Variants in RBPJ observed in about 807,000 individuals in gnomAD.
The protein encoded by RBPJ is recombining binding protein suppressor of hairless.
RBPJ carries 9 observed loss-of-function variants against 67.8 expected under a neutral mutation model. That is an observed-to-expected ratio of 0.13 (90% CI 0.08 to 0.23). The LOEUF is 0.23. Ranked by LOEUF, RBPJ falls within the 10% of genes least tolerant of loss-of-function variation. The pLI, the probability that RBPJ is intolerant of heterozygous loss-of-function variation, is 1.00. For missense variants in RBPJ, 305 were observed against 595.6 expected (o/e 0.51, Z 5.08); for synonymous variants, 198 against 203.3 (o/e 0.97, Z 0.22).
chr4:26,124,214 T>C, the RBPJ span, among the ~76,000 whole-genome samples: 50 of 151,480 alleles, frequency 3.3e-4, no homozygotes, highest in Non-Finnish European at 6.2e-4. Context: ...TCCCACCCTG[T>C]CCCCCTGAGT....
At chr4:26,399,748 C>T (rs998554226) in intron 2 of RBPJ, among the ~76,000 whole-genome samples, 26 of 151,970 alleles carry the variant, frequency 1.7e-4, no homozygotes, top group African/African-American at 5.8e-4. Flanking sequence ...TGCAATGGTG[C>T]GATCTTGGCT....
intron 1 of RBPJ, among the ~76,000 whole-genome samples, chr4:26,202,912 CA>C (rs67852295): frequency 0.93 from 130,469 of 140,950 alleles, 60,310 homozygotes; most frequent in Middle Eastern, 0.99. Flanking sequence ...ACCAGACTGT[CA>C]AAAAAAAAAG....
At chr4:26,353,158 T>TG (rs1364388089) in intron 1 of RBPJ, among the ~76,000 whole-genome samples, 1 of 152,252 alleles carries the variant, frequency 6.6e-6, no homozygotes, top group Non-Finnish European at 1.5e-5. Context: ...AAGGTTTTTT[T>TG]CTTTAATCAT....
upstream of RBPJ, chr4:26,320,678 A>G (rs1489035162): frequency 6.7e-7 from 1 of 1,489,736 alleles, no homozygotes; most frequent in Non-Finnish European, 9.0e-7. Context: ...TCCCCGTAGT[A>G]ATCCCCTCCG....
the RBPJ span, among the ~76,000 whole-genome samples, chr4:26,147,589 A>G: frequency 6.6e-6 from 1 of 152,184 alleles, no homozygotes; most frequent in Non-Finnish European, 1.5e-5. Flanking sequence ...AAACTCCCAA[A>G]GGAGGAATTT....
chr4:26,182,229 T>C (rs917562515), intron 1 of RBPJ, among the ~76,000 whole-genome samples: 17 of 151,768 alleles, frequency 1.1e-4, no homozygotes, highest in Non-Finnish European at 1.9e-4. Flanking sequence ...GTAGTCCCAG[T>C]TACTCGGGAG....
upstream of RBPJ, among the ~76,000 whole-genome samples, chr4:26,161,392 T>C (rs1460865145): frequency 6.6e-6 from 1 of 152,184 alleles, no homozygotes; most frequent in Non-Finnish European, 1.5e-5. Context: ...CAAACTGACA[T>C]AGTGATTTAA....
At chr4:26,354,189 C>T (rs1043516327) in intron 1 of RBPJ, among the ~76,000 whole-genome samples, 1 of 152,104 alleles carries the variant, frequency 6.6e-6, no homozygotes, top group Non-Finnish European at 1.5e-5. Context: ...CCTCGGCCTC[C>T]CAAAGTGCTG....
At chr4:26,393,870 T>TA (rs1386474826) in intron 2 of RBPJ, among the ~76,000 whole-genome samples, 1 of 152,174 alleles carries the variant, frequency 6.6e-6, no homozygotes, top group Non-Finnish European at 1.5e-5. Flanking sequence ...ACACTATTCT[T>TA]ACTCCCATTT....
At chr4:26,414,051 T>C (rs985704061) in intron 3 of RBPJ, among the ~76,000 whole-genome samples, 16 of 152,188 alleles carry the variant, frequency 1.1e-4, no homozygotes, top group Admixed American at 7.2e-4. Context: ...TATACTAGGA[T>C]TAAGAAAAGT....
chr4:26,242,878 TATG>T (rs1374020418), intron 1 of RBPJ, among the ~76,000 whole-genome samples: 3 of 152,170 alleles, frequency 2.0e-5, no homozygotes, highest in African/African-American at 7.2e-5. Flanking sequence ...CATGCTGAAA[TATG>T]ATGTTTGCCT....
At chr4:26,295,271 G>GTGT (rs1560248894) in intron 1 of RBPJ, among the ~76,000 whole-genome samples, 2 of 117,920 alleles carry the variant, frequency 1.7e-5, no homozygotes, top group African/African-American at 1.1e-4. Flanking sequence ...TGTGTGTGTG[G>GTGT]GTGTGTGTGT....
intron 1 of RBPJ, among the ~76,000 whole-genome samples, chr4:26,171,354 G>A (rs1273439487): frequency 1.3e-5 from 2 of 152,252 alleles, no homozygotes; most frequent in African/African-American, 2.4e-5. Context: ...TCACTGTAAT[G>A]AGAATATGGG....
At chr4:26,329,241 C>T (rs1460275296) in intron 1 of RBPJ, among the ~76,000 whole-genome samples, 1 of 152,158 alleles carries the variant, frequency 6.6e-6, no homozygotes, top group African/African-American at 2.4e-5. Context: ...GATCCACCCG[C>T]CTCAGACTCC....
the RBPJ span, among the ~76,000 whole-genome samples, chr4:26,138,101 A>C: frequency 6.6e-6 from 1 of 152,240 alleles, no homozygotes; most frequent in Non-Finnish European, 1.5e-5. Flanking sequence ...TGGAACTGCC[A>C]GGAGACCACT....
intron 1 of RBPJ, among the ~76,000 whole-genome samples, chr4:26,371,884 T>C (rs1206127637): frequency 6.6e-6 from 1 of 152,216 alleles, no homozygotes; most frequent in Non-Finnish European, 1.5e-5. Context: ...ATATAAGTAG[T>C]TTATGGAACA....
chr4:26,361,078 T>TGTGTGTGTCA (rs1442607857), intron 1 of RBPJ, among the ~76,000 whole-genome samples: 2 of 151,516 alleles, frequency 1.3e-5, no homozygotes, highest in African/African-American at 4.9e-5. Context: ...TGTGTGTGTG[T>TGTGTGTGTCA]GTCACATTCA....
chr4:26,388,449 G>T (rs1325692472), intron 2 of RBPJ, among the ~76,000 whole-genome samples: 1 of 152,196 alleles, frequency 6.6e-6, no homozygotes, highest in African/African-American at 2.4e-5. Flanking sequence ...CACAAAAGCA[G>T]CAATAGACCA....
chr4:26,343,466 A>G lies in RBPJ; in HGVS notation c.20+22418A>G, dbSNP rs545992087. On this transcript the variant is annotated intron_variant, in intron 1 of 10. Transcript: ENST00000355476. ...AATATTGGGTTATTTGAAGCTACAT[A>G]TTTCCAGCTTATACATATGAATAGT... 5.3e-5 allele frequency among the ~76,000 whole-genome samples: 8 copies of G among 152,220 alleles called. No individual in the cohort carries two copies. In the South Asian group the frequency reaches 1.7e-3, roughly 32 times the overall value.
Sources: allele counts gnomAD v4.1 joint callset (sites outside exome capture counted in the v4.1 genomes callset), GRCh38; gene constraint gnomAD v4.1.1; transcripts MANE v1.5; gene names NCBI Gene and HGNC (gene_info 2026-07-23, HGNC 2026-07-21).